PDE7B: variants seen among roughly 807,000 people sequenced by gnomAD.
PDE7B encodes phosphodiesterase 7B.
A neutral mutation model predicts 56.2 loss-of-function variants in PDE7B; 29 were observed. The ratio of observed to expected loss-of-function variants is 0.52; its 90% CI spans 0.38 to 0.70. The LOEUF (loss-of-function observed/expected upper bound fraction) is 0.70, where lower values mean the gene tolerates loss of function less well. Among genes scored for constraint, PDE7B ranks in the 30% least tolerant of loss-of-function variants. The pLI is 0.00. For synonymous variants in PDE7B, 197 were observed against 196.9 expected (o/e 1.00, Z 0.00); for missense variants, 490 against 565.0 (o/e 0.87, Z 1.35).
intron 2 of PDE7B, among the ~76,000 whole-genome samples, chr6:136,065,057 A>G (rs1776910758): frequency 6.6e-6 from 1 of 152,198 alleles, no homozygotes; most frequent in Admixed American, 6.5e-5. Context: ...CCAGAGCACA[A>G]TTTCATATAT....
intron 3 of PDE7B, among the ~76,000 whole-genome samples, chr6:136,139,521 T>C (rs1385734023): frequency 6.6e-6 from 1 of 152,174 alleles, no homozygotes; most frequent in Non-Finnish European, 1.5e-5. Flanking sequence ...TATTTCTAGT[T>C]CTAGATCCTT....
intron 8 of PDE7B, among the ~76,000 whole-genome samples, chr6:136,167,274 T>C (rs1034704663): frequency 6.6e-6 from 1 of 152,180 alleles, no homozygotes; most frequent in Non-Finnish European, 1.5e-5. Context: ...TTATGTTTAT[T>C]GTTTATTGCC....
intron 2 of PDE7B, among the ~76,000 whole-genome samples, chr6:136,047,127 G>T (rs1776524101): frequency 1.3e-5 from 2 of 152,114 alleles, no homozygotes; most frequent in Non-Finnish European, 2.9e-5. Context: ...TGATTTGTCT[G>T]AGTTACATTC....
intron 3 of PDE7B, among the ~76,000 whole-genome samples, chr6:136,110,236 A>G (rs545672153): frequency 6.6e-6 from 1 of 152,220 alleles, no homozygotes; most frequent in East Asian, 1.9e-4. Flanking sequence ...CATTAGACCA[A>G]TGCAATATGG....
chr6:136,154,021 G>C, intron 6 of PDE7B, 54 bp from the exon 7 acceptor site: 1 of 1,182,734 alleles, frequency 8.5e-7, no homozygotes, highest in Non-Finnish European at 1.3e-6. Context: ...GTCTAAGCTA[G>C]TATACCACTC....
In PDE7B at chr6:136,005,918, C is replaced by T. The variant is rs576038826; in HGVS notation, c.82+58394C>T. On this transcript the variant is annotated intron_variant, in intron 2 of 12. Coordinates refer to ENST00000308191, the MANE Select transcript of PDE7B (RefSeq NM_018945.4). The stretch of plus-strand genomic sequence containing the variant: ...GACACATGCACGTGTATGTTTATTG[C>T]GGCACTATTCACAATAGCAAAGACT... Among the ~76,000 whole-genome samples, 1,025 of 151,806 alleles carry T rather than the reference C, an allele frequency of 6.8e-3. 9 individuals carry two copies. Among genetic ancestry groups the T allele is most frequent in the African/African-American group, 0.023 (946 of 41,318 alleles).
intron 2 of PDE7B, among the ~76,000 whole-genome samples, chr6:135,982,823 G>C (rs1775318646): frequency 6.6e-6 from 1 of 152,014 alleles, no homozygotes; most frequent in Non-Finnish European, 1.5e-5. Flanking sequence ...CTGGCTCCTG[G>C]ATACTCATCA....
intron 3 of PDE7B, among the ~76,000 whole-genome samples, chr6:136,145,464 C>A (rs1315100525): frequency 6.6e-6 from 1 of 152,064 alleles, no homozygotes; most frequent in Non-Finnish European, 1.5e-5. Flanking sequence ...AAATCTGGTT[C>A]CTATTAGCAA....
chr6:135,854,414 A>G (rs1480514437), intron 1 of PDE7B, among the ~76,000 whole-genome samples: 1 of 151,764 alleles, frequency 6.6e-6, no homozygotes, highest in Non-Finnish European at 1.5e-5. Context: ...TTGATTGGAA[A>G]CTCTCTATCT....
chr6:135,925,141 G>A (rs1390792885), intron 1 of PDE7B, among the ~76,000 whole-genome samples: 1 of 151,646 alleles, frequency 6.6e-6, no homozygotes, highest in East Asian at 1.9e-4. Flanking sequence ...AAGAAAAGAA[G>A]TAGAAAATTT....
At chr6:135,985,838 C>A (rs1178990060) in intron 2 of PDE7B, among the ~76,000 whole-genome samples, 1 of 152,166 alleles carries the variant, frequency 6.6e-6, no homozygotes, top group African/African-American at 2.4e-5. Flanking sequence ...ATAGTCCCAA[C>A]CAGGGTGGCC....
At chr6:136,088,986 T>C (rs964513546) in intron 2 of PDE7B, among the ~76,000 whole-genome samples, 2 of 151,186 alleles carry the variant, frequency 1.3e-5, no homozygotes, top group Non-Finnish European at 2.9e-5. Flanking sequence ...CTGTATGCCT[T>C]TCCCCCGCCA....
intron 2 of PDE7B, among the ~76,000 whole-genome samples, chr6:135,991,031 A>G (rs918780051): frequency 7.9e-5 from 12 of 152,208 alleles, no homozygotes; most frequent in Admixed American, 5.9e-4. Flanking sequence ...TAGACCATAT[A>G]GAGTAACTTG....
intron 2 of PDE7B, among the ~76,000 whole-genome samples, chr6:135,959,305 G>C (rs1774856727): frequency 6.6e-6 from 1 of 152,028 alleles, no homozygotes; most frequent in Non-Finnish European, 1.5e-5. Context: ...GAGAGTTTGG[G>C]AATATGAATA....
intron 1 of PDE7B, among the ~76,000 whole-genome samples, chr6:135,877,567 G>C (rs1406856999): frequency 6.6e-6 from 1 of 151,998 alleles, no homozygotes; most frequent in Non-Finnish European, 1.5e-5. Context: ...CTAATGCAAA[G>C]CTCTAGGTTC....
intron 3 of PDE7B, among the ~76,000 whole-genome samples, chr6:136,115,766 A>C (rs1777820690): frequency 6.6e-6 from 1 of 152,216 alleles, no homozygotes; most frequent in Non-Finnish European, 1.5e-5. Flanking sequence ...CATGAAACCC[A>C]GGTGCTCTGA....
At chr6:136,121,247 G>T (rs73561331) in intron 3 of PDE7B, among the ~76,000 whole-genome samples, 6,894 of 152,122 alleles carry the variant, frequency 0.045, 511 homozygotes, top group African/African-American at 0.15. Flanking sequence ...ATCCTATAAT[G>T]CTAATCTTTT....
intron 2 of PDE7B, among the ~76,000 whole-genome samples, chr6:135,966,290 C>T (rs1024690126): frequency 1.1e-4 from 17 of 152,230 alleles, no homozygotes; most frequent in East Asian, 3.9e-4. Flanking sequence ...GGGCTACCTC[C>T]GCTTCTGTTT....
intron 3 of PDE7B, among the ~76,000 whole-genome samples, chr6:136,114,319 A>G (rs1777797786): frequency 6.6e-6 from 1 of 152,236 alleles, no homozygotes; most frequent in African/African-American, 2.4e-5. Context: ...TCTATGAAGA[A>G]GTGACCCAGA....
Sources: allele counts gnomAD v4.1 joint callset (sites outside exome capture counted in the v4.1 genomes callset), GRCh38; gene constraint gnomAD v4.1.1; transcripts MANE v1.5; gene names NCBI Gene and HGNC (gene_info 2026-07-23, HGNC 2026-07-21).